The following SPATA21 variants were observed in gnomAD, a reference collection of about 807,000 sequenced individuals.
The protein encoded by SPATA21 is spermatogenesis-associated protein 21.
SPATA21 carries 47 observed loss-of-function variants against 54.8 expected under a neutral mutation model. That is an observed-to-expected ratio of 0.86 (90% CI 0.68 to 1.09). The LOEUF (loss-of-function observed/expected upper bound fraction) is 1.09, where lower values mean the gene tolerates loss of function less well. SPATA21 is among the 50% of genes least tolerant of loss of function. The pLI, the probability that SPATA21 is intolerant of heterozygous loss-of-function variation, is 0.00. For missense variants in SPATA21, 599 were observed against 596.4 expected (o/e 1.00, Z -0.05); for synonymous variants, 245 against 235.3 (o/e 1.04, Z -0.38).
chr1:16,417,298 G>C (rs1474869621), intron 5 of SPATA21, among the ~76,000 whole-genome samples: 1 of 151,904 alleles, frequency 6.6e-6, no homozygotes, highest in Non-Finnish European at 1.5e-5. Context: ...TTCACTCACT[G>C]CCTAGGCTAG....
At chr1:16,425,954 G>A (rs903810988) in intron 3 of SPATA21, among the ~76,000 whole-genome samples, 1 of 152,052 alleles carries the variant, frequency 6.6e-6, no homozygotes, top group African/African-American at 2.4e-5. Context: ...TCTCTGTGTT[G>A]CCCAGGCTGG....
intron 1 of SPATA21, among the ~76,000 whole-genome samples, chr1:16,435,178 T>G (rs1418517905): frequency 6.6e-6 from 1 of 152,090 alleles, no homozygotes; most frequent in African/African-American, 2.4e-5. Flanking sequence ...TTATCATAGC[T>G]ATCCTAGTGG....
chr1:16,427,880 GC>G (rs1422543325), intron 3 of SPATA21: 3 of 1,548,772 alleles, frequency 1.9e-6, no homozygotes, highest in Non-Finnish European at 2.6e-6. Context: ...CTTGCTGGAG[GC>G]CCCTGCTCCT....
chr1:16,410,183 C>G (rs2085797951), intron 5 of SPATA21, 140 bp from the exon 6 acceptor site: 1 of 670,286 alleles, frequency 1.5e-6, no homozygotes, highest in South Asian at 2.1e-5. Context: ...CCAAATCTCA[C>G]ATGCACCCCA....
intron 12 of SPATA21, 72 bp from the exon 13 acceptor site, chr1:16,398,894 C>G: frequency 1.3e-6 from 2 of 1,482,594 alleles, no homozygotes; most frequent in Admixed American, 2.0e-5. Context: ...TATGAGCCAT[C>G]TGTGCGTGCC....
chr1:16,405,817 C>T (rs2085623334), intron 7 of SPATA21, among the ~76,000 whole-genome samples: 1 of 152,192 alleles, frequency 6.6e-6, no homozygotes, highest in Non-Finnish European at 1.5e-5. Flanking sequence ...CAACCTTGTC[C>T]ATCCAGATAG....
At chr1:16,436,755 G>A (rs944604756) in intron 1 of SPATA21, among the ~76,000 whole-genome samples, 1 of 150,752 alleles carries the variant, frequency 6.6e-6, no homozygotes, top group Non-Finnish European at 1.5e-5. Flanking sequence ...AACAGAGCAA[G>A]ACTCCGTCTC....
intron 2 of SPATA21, among the ~76,000 whole-genome samples, chr1:16,432,387 G>T (rs570586432): frequency 2.1e-3 from 314 of 152,184 alleles, no homozygotes; most frequent in Non-Finnish European, 2.9e-3. Context: ...CTCCCAAAGT[G>T]TTGGGATTAC....
At chr1:16,417,882 C>T (rs1033131558) in intron 5 of SPATA21, among the ~76,000 whole-genome samples, 1 of 152,170 alleles carries the variant, frequency 6.6e-6, no homozygotes, top group African/African-American at 2.4e-5. Flanking sequence ...CCCTGGGCGC[C>T]CTTTCTACTC....
rs764837773 is a variant in SPATA21, at chr1:16,409,725, C to A, written c.463G>T (p.Gly155Ter). The change falls in exon 6 of 13, where the codon GGA (glycine) becomes TGA (stop). Residue 155 changes from glycine to a stop codon, truncating the protein, a stop_gained. Transcript: ENST00000335496. LOFTEE classifies it high-confidence loss of function. This position sits in a 1 kb window ranked among gnomAD's most constrained non-coding sequence, Gnocchi z 4.1. ...GGCATGGAGGTGGGGACCGGGGCTCCCATGGGGGCAGGTTCTGGCCCAGGA... is the reference window on the plus strand; with the variant it reads ...GGCATGGAGGTGGGGACCGGGGCTCACATGGGGGCAGGTTCTGGCCCAGGA... ...PAPGPEPAPM[G>*]APVPTSMPCP... 2.5e-6 allele frequency: 4 copies of A among 1,612,150 alleles called. No individual in the cohort carries two copies. Among genetic ancestry groups the A allele is most frequent in the Non-Finnish European group, 3.4e-6 (4 of 1,179,554 alleles).
rs778670029 is a variant in SPATA21, at chr1:16,426,557, C to CTATATATATATATATATA, written c.35-4604_35-4587dup. On this transcript the variant is annotated intron_variant, in intron 3 of 12. Transcript: ENST00000335496. ...TACAGGCGTGAACCATGGTGCCCGG[C>CTATATATATATATATATA]TATATATATATATATATATATATTT... Among the ~76,000 whole-genome samples, 38 of 85,782 alleles carry CTATATATATATATATATA rather than the reference C, an allele frequency of 4.4e-4. 2 individuals carry two copies. The East Asian group carries it at 0.011, about 24-fold the overall frequency. The allele number at this position is 85,782 out of a possible 152,430, so 56.3% of individuals were successfully genotyped here. A position where few individuals can be genotyped will look rare whatever the true frequency, so the allele number is the denominator to read the frequency against.
chr1:16,422,142 G>A (rs897780303), intron 3 of SPATA21, 171 bp from the exon 4 acceptor site: 3 of 1,477,402 alleles, frequency 2.0e-6, no homozygotes, highest in African/African-American at 1.4e-5. Context: ...GCAAGGCTCT[G>A]CTGGCTGCAC....
chr1:16,426,875 C>T (rs893850837), intron 3 of SPATA21, among the ~76,000 whole-genome samples: 2 of 151,896 alleles, frequency 1.3e-5, no homozygotes, highest in South Asian at 2.1e-4. Flanking sequence ...CCACTGTGCC[C>T]GGCCTAATGT....
intron 3 of SPATA21, among the ~76,000 whole-genome samples, chr1:16,426,804 C>A (rs1212018742): frequency 1.3e-5 from 2 of 151,422 alleles, no homozygotes; most frequent in African/African-American, 2.4e-5. Flanking sequence ...GGTTTTAAAC[C>A]CCTGACCTCA....
intron 1 of SPATA21, among the ~76,000 whole-genome samples, chr1:16,434,450 G>T (rs759340316): frequency 2.0e-5 from 3 of 151,860 alleles, no homozygotes; most frequent in South Asian, 4.2e-4. Flanking sequence ...CACCATGCCT[G>T]GTTCGTCTTA....
intron 3 of SPATA21, chr1:16,425,320 A>C: frequency 1.5e-6 from 1 of 664,434 alleles, no homozygotes. Flanking sequence ...ACATTCTGTC[A>C]CCCAGGCTGG....
intron 3 of SPATA21, chr1:16,427,944 C>CA: frequency 3.9e-6 from 6 of 1,550,322 alleles, no homozygotes; most frequent in Non-Finnish European, 5.2e-6. Context: ...GTCTGGGCCC[C>CA]TTCTCTGGCC....
At chr1:16,404,493 CAAAAAAAGG>C (rs1197256789) in intron 8 of SPATA21, among the ~76,000 whole-genome samples, 1 of 151,750 alleles carries the variant, frequency 6.6e-6, no homozygotes, top group Non-Finnish European at 1.5e-5. Flanking sequence ...AAAACAAAAC[CAAAAAAAGG>C]AAAAAAAGAA....
Position 16,405,017 on chromosome 1 carries a change from G to GAGA in SPATA21, c.758_760dup (p.Phe253dup). 1 of 1,609,040 alleles carries GAGA rather than the reference G, an allele frequency of 6.2e-7. No homozygotes were observed. The highest frequency in any genetic ancestry group is 8.5e-7 in the Non-Finnish European group (1 of 1,178,476). On this transcript the variant is annotated inframe_insertion, in exon 8 of 13. Transcript: ENST00000335496. ...GTCCTCCACCTGGGCCAGCGTCACAGAGAAGCCCATTAGGAGCAGGATATT... is the reference window on the plus strand; with the variant it reads ...GTCCTCCACCTGGGCCAGCGTCACAGAGAAGAAGCCCATTAGGAGCAGGATATT...
Sources: gnomAD v4.1 joint callset for allele counts (sites outside exome capture counted in the v4.1 genomes callset) on GRCh38, gnomAD v4.1.1 for gene constraint, Gnocchi (gnomAD v3.1) non-coding constraint, MANE v1.5 for transcripts, NCBI Gene and HGNC (gene_info 2026-07-23, HGNC 2026-07-21) for gene names.